Variants in TRHDE observed in about 807,000 individuals in gnomAD.
TRHDE encodes thyrotropin releasing hormone degrading enzyme.
In TRHDE, 72 loss-of-function variants were observed where a neutral mutation model predicts 125.7. The observed-to-expected ratio is 0.57, with a 90% CI of 0.47 to 0.70. The LOEUF (loss-of-function observed/expected upper bound fraction) is 0.70, where lower values mean the gene tolerates loss of function less well. Among genes scored for constraint, TRHDE ranks in the 30% least tolerant of loss-of-function variants. The probability of loss-of-function intolerance (pLI) is 0.00; values close to 1 mark genes in which losing one functional copy is unlikely to be tolerated. For synonymous variants in TRHDE, 509 were observed against 509.1 expected, an observed-to-expected ratio of 1.00 and a Z score of 0.00; for missense variants, 1,110 against 1,327.1, an observed-to-expected ratio of 0.84 and a Z score of 2.54.
rs1565756125 is a variant in TRHDE, at chr12:72,473,240, G to C, written c.1584+60G>C. The C allele has an allele frequency of 1.4e-5, 18 of 1,296,276 alleles. No homozygotes were observed. The South Asian group carries it at 2.1e-4, about 15-fold the overall frequency. The allele number at this position is 1,296,276 out of a possible 1,614,324, so 80.3% of individuals were successfully genotyped here. On this transcript the variant is annotated intron_variant, in intron 5 of 18. Coordinates refer to ENST00000261180, the MANE Select transcript of TRHDE (RefSeq NM_013381.3). The stretch of plus-strand genomic sequence containing the variant: ...AAAGGCCGATCTAGTGTTACATTAG[G>C]CTTATACCATCCTTAGAGATGACTA...
At chr12:72,135,752 T>C (rs1400059467) in intron 2 of TRHDE, among the ~76,000 whole-genome samples, 2 of 152,154 alleles carry the variant, frequency 1.3e-5, no homozygotes, top group Admixed American at 6.6e-5. Context: ...TCTGCCTTCA[T>C]TGAGGATTTT....
chr12:72,323,172 G>A (rs1030161039), intron 2 of TRHDE, among the ~76,000 whole-genome samples: 2 of 152,016 alleles, frequency 1.3e-5, no homozygotes, highest in Non-Finnish European at 2.9e-5. Flanking sequence ...CAATTAAGAA[G>A]GTAATAATTT....
intron 3 of TRHDE, among the ~76,000 whole-genome samples, chr12:72,449,825 AAAC>A (rs1284019043): frequency 6.6e-6 from 1 of 151,986 alleles, no homozygotes; most frequent in Non-Finnish European, 1.5e-5. Context: ...AACATTACAA[AAAC>A]ATACTTTGTT....
intron 2 of TRHDE, among the ~76,000 whole-genome samples, chr12:72,229,486 G>T (rs1878205260): frequency 6.6e-6 from 1 of 152,128 alleles, no homozygotes; most frequent in African/African-American, 2.4e-5. Flanking sequence ...TTTGGGTGAG[G>T]ACACAGCCAA....
intron 1 of TRHDE, among the ~76,000 whole-genome samples, chr12:72,088,727 T>C (rs1044025579): frequency 2.0e-5 from 3 of 152,124 alleles, no homozygotes; most frequent in African/African-American, 7.2e-5. Flanking sequence ...TGGTTCTTTC[T>C]CCTCTCCGGG....
At chr12:72,302,244 GTA>G (rs1443014677) in intron 2 of TRHDE, among the ~76,000 whole-genome samples, 6 of 51,614 alleles carry the variant, frequency 1.2e-4, no homozygotes, top group East Asian at 6.5e-4. Flanking sequence ...ATGTGTGTGT[GTA>G]TGTGTGTGTG....
intron 6 of TRHDE, among the ~76,000 whole-genome samples, chr12:72,541,099 T>A (rs913604202): frequency 1.3e-5 from 2 of 151,602 alleles, no homozygotes; most frequent in African/African-American, 4.8e-5. Context: ...TGATTCTATA[T>A]GTGATTCTTA....
At chr12:72,289,072 C>A (rs1879995035) in intron 2 of TRHDE, among the ~76,000 whole-genome samples, 1 of 152,090 alleles carries the variant, frequency 6.6e-6, no homozygotes, top group South Asian at 2.1e-4. Context: ...CACTGCCTTT[C>A]CCCTTTTATT....
At chr12:72,301,472 A>G (rs1868259116) in intron 2 of TRHDE, among the ~76,000 whole-genome samples, 1 of 152,148 alleles carries the variant, frequency 6.6e-6, no homozygotes, top group Non-Finnish European at 1.5e-5. Flanking sequence ...TCAACTGAGA[A>G]TTTAGGGATC....
At chr12:72,619,411 C>T (rs568442976) in intron 13 of TRHDE, among the ~76,000 whole-genome samples, 1 of 152,086 alleles carries the variant, frequency 6.6e-6, no homozygotes, top group Non-Finnish European at 1.5e-5. Context: ...AGTAATGATT[C>T]TTAGTCATTA....
At chr12:72,592,059 T>C (rs1871709390) in intron 12 of TRHDE, among the ~76,000 whole-genome samples, 1 of 152,164 alleles carries the variant, frequency 6.6e-6, no homozygotes, top group African/African-American at 2.4e-5. Context: ...GGCTTTTAAT[T>C]GGTCAAATAT....
At chr12:72,488,475 A>G (rs770070108) in intron 5 of TRHDE, among the ~76,000 whole-genome samples, 1 of 152,100 alleles carries the variant, frequency 6.6e-6, no homozygotes, top group Admixed American at 6.6e-5. Context: ...GTAAATGTGT[A>G]TGCACCCAAC....
intron 3 of TRHDE, among the ~76,000 whole-genome samples, chr12:72,392,797 TTA>T (rs1454010599): frequency 6.6e-6 from 1 of 152,188 alleles, no homozygotes; most frequent in Non-Finnish European, 1.5e-5. Context: ...TATTCAAGAT[TTA>T]TTTTTCTACA....
intron 12 of TRHDE, among the ~76,000 whole-genome samples, chr12:72,592,412 G>T (rs929735599): frequency 3.9e-5 from 6 of 152,004 alleles, no homozygotes; most frequent in African/African-American, 1.4e-4. Flanking sequence ...CCATTTAAAA[G>T]TACTCGCATT....
At chr12:72,203,183 C>T (rs1369053329) in intron 2 of TRHDE, among the ~76,000 whole-genome samples, 1 of 151,926 alleles carries the variant, frequency 6.6e-6, no homozygotes, top group Non-Finnish European at 1.5e-5. Context: ...TGGTCTAGGC[C>T]GGGCGTAGTG....
chr12:72,443,192 C>CTG (rs58277850), intron 3 of TRHDE, among the ~76,000 whole-genome samples: 9,095 of 144,398 alleles, frequency 0.063, 319 homozygotes, highest in African/African-American at 0.11. Context: ...TACTTCTTTC[C>CTG]TGTGTGTGTG....
At chr12:72,260,467 AGTG>A (rs1252020948) in intron 2 of TRHDE, among the ~76,000 whole-genome samples, 1 of 152,152 alleles carries the variant, frequency 6.6e-6, no homozygotes, top group Non-Finnish European at 1.5e-5. Flanking sequence ...ACTCCAATAG[AGTG>A]GCTCACTGGG....
chr12:72,373,551 A>G lies in TRHDE; in HGVS notation c.1189-4444A>G, dbSNP rs1237726294. On this transcript the variant is annotated intron_variant, in intron 2 of 18. Transcript: ENST00000261180. ...TGCATTCTGAAAAAATGGTAGCAAG[A>G]AGCAAAATGAATAAATAAAACTTAT... 3.9e-5 allele frequency among the ~76,000 whole-genome samples: 6 copies of G among 152,184 alleles called. 1 individual carries two copies. The highest frequency in any genetic ancestry group is 4.1e-4 in the South Asian group (2 of 4,832).
intron 2 of TRHDE, among the ~76,000 whole-genome samples, chr12:72,204,480 A>G (rs2139357108): frequency 6.6e-6 from 1 of 152,246 alleles, no homozygotes; most frequent in Admixed American, 6.5e-5. Context: ...TAAATTAAGC[A>G]ATCACTTTTT....
Sources: gnomAD v4.1 joint callset for allele counts (sites outside exome capture counted in the v4.1 genomes callset) on GRCh38, gnomAD v4.1.1 for gene constraint, MANE v1.5 for transcripts, NCBI Gene and HGNC (gene_info 2026-07-23, HGNC 2026-07-21) for gene names.